Variants in TBL1X observed in about 807,000 individuals in gnomAD.
The protein encoded by TBL1X is F-box-like/WD repeat-containing protein TBL1X.
A neutral mutation model predicts 50.7 loss-of-function variants in TBL1X; 10 were observed. The observed-to-expected ratio is 0.20, with a 90% CI of 0.12 to 0.33. The LOEUF (loss-of-function observed/expected upper bound fraction) is 0.33, where lower values mean the gene tolerates loss of function less well. Ranked by LOEUF, TBL1X falls within the 10% of genes least tolerant of loss-of-function variation. TBL1X has a pLI of 1.00. For missense variants in TBL1X, 340 were observed against 504.4 expected (o/e 0.67, Z 3.12); for synonymous variants, 190 against 214.7 (o/e 0.88, Z 1.01).
At chrX:9,578,567 C>T (rs965809710) in intron 2 of TBL1X, among the ~76,000 whole-genome samples, 9 of 111,682 alleles carry the variant, frequency 8.1e-5, no homozygotes, top group East Asian at 2.8e-4. Context: ...GCTCTGTCGA[C>T]GGCGCTAAGT....
intron 9 of TBL1X, among the ~76,000 whole-genome samples, chrX:9,692,873 C>G (rs899162810): frequency 1.8e-5 from 2 of 112,628 alleles, no homozygotes; most frequent in Admixed American, 1.9e-4. Flanking sequence ...TGGAGAGATA[C>G]GTCGTGCAGC....
intron 13 of TBL1X, among the ~76,000 whole-genome samples, chrX:9,707,157 C>A (rs2083213397): frequency 9.0e-6 from 1 of 111,220 alleles, no homozygotes; most frequent in South Asian, 3.8e-4. Context: ...GTCACAGTCC[C>A]TGGAGATTTG....
chrX:9,641,773 T>C (rs956383910), intron 3 of TBL1X, among the ~76,000 whole-genome samples: 1 of 112,795 alleles, frequency 8.9e-6, no homozygotes, highest in Non-Finnish European at 1.9e-5. Context: ...GTGTGCATTG[T>C]GGCATGTGTC....
At chrX:9,700,936 C>T (rs1040806038) in intron 12 of TBL1X, among the ~76,000 whole-genome samples, 1 of 111,483 alleles carries the variant, frequency 9.0e-6, no homozygotes, top group South Asian at 3.8e-4. Flanking sequence ...ATTGATGTAA[C>T]GTTCTCATAA....
chrX:9,677,045 G>A (rs970693320), intron 5 of TBL1X, among the ~76,000 whole-genome samples: 3 of 111,117 alleles, frequency 2.7e-5, no homozygotes, highest in South Asian at 3.8e-4. Context: ...GAGAGTGTGC[G>A]TGTGTGTCTG....
Position 9,629,893 on chromosome X carries a change from C to T in TBL1X, c.-130-10380C>T, listed in dbSNP as rs774999274. 1.2e-4 allele frequency among the ~76,000 whole-genome samples: 13 copies of T among 110,754 alleles called. No individual in the cohort carries two copies. The South Asian group carries it at 4.7e-3, about 40-fold the overall frequency. On this transcript the variant is annotated intron_variant, in intron 2 of 17. Transcript: ENST00000645353. ...GGTTGTATGGGAGTGAGGAGCAGGA[C>T]GGGGCTCAGTGGGGAGCTTTCTGGA...
Position 9,490,217 on chromosome X carries a change from C to A in TBL1X, c.-200-11563C>A, listed in dbSNP as rs1327519807. Among the ~76,000 whole-genome samples, 5 of 111,490 alleles carry A rather than the reference C, an allele frequency of 4.5e-5. No individual in the cohort carries two copies. The Admixed American group carries it at 4.8e-4, about 11-fold the overall frequency. On this transcript the variant is annotated intron_variant, in intron 1 of 17. Transcript: ENST00000645353. Reference sequence around the variant, plus strand: ...AACTCCTGGGCTCAAGCAGTCCTCCCACCTCGGCCTCCCAAAGTGCAGGGA... The same window carrying A: ...AACTCCTGGGCTCAAGCAGTCCTCCAACCTCGGCCTCCCAAAGTGCAGGGA...
chrX:9,653,753 C>T, intron 4 of TBL1X, 64 bp downstream of exon 4: 7 of 984,015 alleles, frequency 7.1e-6, no homozygotes, highest in East Asian at 3.4e-5. Flanking sequence ...GACATGGCCG[C>T]GGGTGTACTC....
At chrX:9,709,081 G>A (rs754140647) in intron 13 of TBL1X, among the ~76,000 whole-genome samples, 167 bp from the exon 14 acceptor site, 6 of 111,588 alleles carry the variant, frequency 5.4e-5, no homozygotes, top group Non-Finnish European at 1.1e-4. Flanking sequence ...AAGGCAAAGT[G>A]AGAAAAAGAG....
chrX:9,533,579 G>A (rs2082172891), intron 2 of TBL1X, among the ~76,000 whole-genome samples: 1 of 111,543 alleles, frequency 9.0e-6, no homozygotes, highest in Non-Finnish European at 1.9e-5. Flanking sequence ...GACATTCCCA[G>A]CCTTTTCTTT....
At chrX:9,626,428 A>G (rs1406798615) in intron 2 of TBL1X, among the ~76,000 whole-genome samples, 4 of 111,973 alleles carry the variant, frequency 3.6e-5, no homozygotes, top group African/African-American at 1.3e-4. Context: ...GACAAAGGTA[A>G]TGCTAGGCCC....
chrX:9,653,029 T>C (rs910932089), intron 3 of TBL1X, among the ~76,000 whole-genome samples: 1 of 109,612 alleles, frequency 9.1e-6, no homozygotes, highest in African/African-American at 3.3e-5. Flanking sequence ...GCCGGGCGTA[T>C]TGGCGGGCGC....
rs184512731 is a variant in TBL1X at position 9,554,649 on chromosome X, A to G, written c.-131+52800A>G. On this transcript the variant is annotated intron_variant, in intron 2 of 17. Transcript: ENST00000645353. ...TAGTCTAGTTTTCTGGTTGTACAGT[A>G]ACAATGTGATATATATTGTCTTTAT... Among the ~76,000 whole-genome samples, 46 of 112,529 alleles carry G rather than the reference A, an allele frequency of 4.1e-4. 1 individual carries two copies. The Admixed American group carries it at 4.3e-3, about 11-fold the overall frequency.
chrX:9,531,407 G>A (rs1170325896), intron 2 of TBL1X, among the ~76,000 whole-genome samples: 1 of 106,448 alleles, frequency 9.4e-6, no homozygotes, highest in African/African-American at 3.4e-5. Flanking sequence ...GTGTGTTGGT[G>A]TGTGTTGGTG....
intron 2 of TBL1X, among the ~76,000 whole-genome samples, chrX:9,528,904 G>A (rs1265794842): frequency 9.0e-6 from 1 of 111,073 alleles, no homozygotes; most frequent in Non-Finnish European, 1.9e-5. Flanking sequence ...GCTGGAGATG[G>A]GGGGAAGCCC....
In TBL1X at chrX:9,496,698, C is replaced by T. The variant is rs57607017; in HGVS notation, c.-200-5082C>T. Among the ~76,000 whole-genome samples the T allele has an allele frequency of 5.2e-3, 582 of 111,793 alleles. 6 individuals carry two copies. Among genetic ancestry groups the T allele is most frequent in the African/African-American group, 0.018 (563 of 30,774 alleles). On this transcript the variant is annotated intron_variant, in intron 1 of 17. Coordinates refer to ENST00000645353, the MANE Select transcript of TBL1X (RefSeq NM_005647.4). Reference sequence around the variant, plus strand: ...CTCTCATCCAGAAGATGATTAGACCCATAATGGAAGCCAGTCAGTGGCATG... The same window carrying T: ...CTCTCATCCAGAAGATGATTAGACCTATAATGGAAGCCAGTCAGTGGCATG...
rs192311745 is a variant in TBL1X at position 9,610,938 on chromosome X, T to C, written c.-130-29335T>C. Among the ~76,000 whole-genome samples, 375 of 112,112 alleles carry C rather than the reference T, an allele frequency of 3.3e-3. 1 individual carries two copies. The highest frequency in any genetic ancestry group is 0.012 in the African/African-American group (361 of 30,863). On this transcript the variant is annotated intron_variant, in intron 2 of 17. Transcript: ENST00000645353. The stretch of plus-strand genomic sequence containing the variant: ...AAAAGTGTATTGACTAGGTAGGAGT[T>C]GAGCCAAGCCTTGAATGAATCATTT...
At chrX:9,713,426 C>CTTTTTTTT in intron 16 of TBL1X, among the ~76,000 whole-genome samples, 2 of 78,502 alleles carry the variant, frequency 2.5e-5, no homozygotes, top group Non-Finnish European at 4.7e-5. Flanking sequence ...TAGGACTTTT[C>CTTTTTTTT]TTTTTTTTTT....
At chrX:9,607,478 C>T (rs1385162529) in intron 2 of TBL1X, among the ~76,000 whole-genome samples, 1 of 112,661 alleles carries the variant, frequency 8.9e-6, no homozygotes, top group Non-Finnish European at 1.9e-5. Flanking sequence ...CCCCAGGGTC[C>T]AAAGCCTCCA....
Sources: gnomAD v4.1 joint callset for allele counts (sites outside exome capture counted in the v4.1 genomes callset) on GRCh38, gnomAD v4.1.1 for gene constraint, MANE v1.5 for transcripts, NCBI Gene and HGNC (gene_info 2026-07-23, HGNC 2026-07-21) for gene names.